IL2RA: variants seen among roughly 807,000 people sequenced by gnomAD.
The protein encoded by IL2RA is interleukin 2 receptor subunit alpha, also known as interleukin-2 receptor subunit alpha.
In IL2RA, 24 loss-of-function variants were observed where a neutral mutation model predicts 37.8. The ratio of observed to expected loss-of-function variants is 0.63; its 90% CI spans 0.46 to 0.89. The LOEUF is 0.89. Ranked by LOEUF, IL2RA falls within the 40% of genes least tolerant of loss-of-function variation. IL2RA has a pLI of 0.00. For synonymous variants in IL2RA, 125 were observed against 114.6 expected (o/e 1.09, Z -0.58); for missense variants, 319 against 348.6 (o/e 0.92, Z 0.68).
Position 6,036,801 on chromosome 10 carries a change from C to T in IL2RA, c.65-10776G>A, listed in dbSNP as rs12722658. Among the ~76,000 whole-genome samples, 622 of 152,066 alleles carry T rather than the reference C, an allele frequency of 4.1e-3. 5 individuals carry two copies. The highest frequency in any genetic ancestry group is 0.015 in the African/African-American group (604 of 41,348). On this transcript the variant is annotated intron_variant, in intron 1 of 7. Coordinates refer to ENST00000379959, the MANE Select transcript of IL2RA (RefSeq NM_000417.3). This position sits in a 1 kb window ranked among gnomAD's most constrained non-coding sequence, Gnocchi z 6.1. ...TGTGGGGGACAGTCATTTTAGAGAG[C>T]GGACACCACTGCTGAAGAAGAAGGA...
rs1038264525 is a variant in IL2RA, at chr10:6,041,144, G to A, written c.65-15119C>T. 7.7e-5 allele frequency among the ~76,000 whole-genome samples: 11 copies of A among 143,766 alleles called. No homozygotes were observed. The East Asian group carries it at 2.3e-3, about 30-fold the overall frequency. The allele number at this position is 143,766 out of a possible 152,430, so 94.3% of individuals were successfully genotyped here. A position where few individuals can be genotyped will look rare whatever the true frequency, so the allele number is the denominator to read the frequency against. On this transcript the variant is annotated intron_variant, in intron 1 of 7. Transcript: ENST00000379959. Reference sequence around the variant, plus strand: ...TTTTTTTTTTTTTTTTTGAGACGGAGTCTCGCTTTGTCTCCCAGGCTGGAG... The same window carrying A: ...TTTTTTTTTTTTTTTTTGAGACGGAATCTCGCTTTGTCTCCCAGGCTGGAG...
chr10:6,031,476 A>ATG (rs1839581835), intron 1 of IL2RA, among the ~76,000 whole-genome samples: 4 of 25,170 alleles, frequency 1.6e-4, no homozygotes, highest in African/African-American at 6.9e-4. Flanking sequence ...ATATATATAT[A>ATG]TATATATATA....
At chr10:6,051,494 AATAT>A (rs34016017) in intron 1 of IL2RA, among the ~76,000 whole-genome samples, 822 of 81,924 alleles carry the variant, frequency 0.01, 23 homozygotes, top group East Asian at 0.086. Flanking sequence ...AATACACACA[AATAT>A]ATATATATAT....
At chr10:6,034,522 T>G (rs1839649398) in intron 1 of IL2RA, among the ~76,000 whole-genome samples, 1 of 145,324 alleles carries the variant, frequency 6.9e-6, no homozygotes, top group South Asian at 2.3e-4. Flanking sequence ...AAAAATAATT[T>G]GTCTAAAAGT....
At chr10:6,030,038 G>A (rs1217067821) in intron 1 of IL2RA, among the ~76,000 whole-genome samples, 1 of 152,092 alleles carries the variant, frequency 6.6e-6, no homozygotes, top group African/African-American at 2.4e-5. Flanking sequence ...AAAACTAAAA[G>A]TTACAATATC....
chr10:6,050,834 C>T (rs553510089), intron 1 of IL2RA, among the ~76,000 whole-genome samples: 2 of 152,222 alleles, frequency 1.3e-5, no homozygotes, highest in African/African-American at 4.8e-5. Flanking sequence ...GGTCCTCTTG[C>T]ACTAGATTGA....
At chr10:6,026,748 G>C (rs557325936) in intron 1 of IL2RA, among the ~76,000 whole-genome samples, 2 of 152,304 alleles carry the variant, frequency 1.3e-5, no homozygotes, top group Non-Finnish European at 2.9e-5. Flanking sequence ...TTAGATTTTG[G>C]GGGGAAATAT....
At position 6,036,473 on chromosome 10, in the gene IL2RA, C is replaced by T. The variant is rs2132874870; in HGVS notation, c.65-10448G>A. On this transcript the variant is annotated intron_variant, in intron 1 of 7. Coordinates refer to ENST00000379959, the MANE Select transcript of IL2RA (RefSeq NM_000417.3). This position sits in a 1 kb window ranked among gnomAD's most constrained non-coding sequence, Gnocchi z 6.1. The stretch of plus-strand genomic sequence containing the variant: ...CTCTGCTCCTCCTGGCAAGAGGCCC[C>T]ATTTTTCTTGCCACTGAGGTTAAGT... 1 of 152,290 alleles carries T rather than the reference C, an allele frequency of 6.6e-6. No homozygotes were observed. The highest frequency in any genetic ancestry group is 2.1e-4 in the South Asian group (1 of 4,822). 9.4% of individuals were successfully genotyped at this position (152,290 alleles called of 1,614,324 possible). A position where few individuals can be genotyped will look rare whatever the true frequency, so the allele number is the denominator to read the frequency against.
chr10:6,039,299 A>C (rs1839735405), intron 1 of IL2RA: 1 of 152,250 alleles, frequency 6.6e-6, no homozygotes, highest in African/African-American at 2.4e-5. Context: ...ACAAATCAAG[A>C]ATCAGGAAAA....
At chr10:6,045,071 G>A (rs1209370510) in intron 1 of IL2RA, among the ~76,000 whole-genome samples, 2 of 152,230 alleles carry the variant, frequency 1.3e-5, no homozygotes, top group African/African-American at 4.8e-5. Flanking sequence ...GAAAGGAGAA[G>A]AAGGCGGTGT....
At chr10:6,016,914 C>T (rs1174252121) in intron 7 of IL2RA, 1 of 152,156 alleles carries the variant, frequency 6.6e-6, no homozygotes, top group Non-Finnish European at 1.5e-5. Flanking sequence ...TTTGGCTGAA[C>T]AACCTACATA....
rs11256354 is a variant in IL2RA, at chr10:6,019,444, T to G, written c.711A>C (p.Thr237=). The change falls in exon 6 of 8, where the codon ACA becomes ACC. Residue 237 remains threonine (T), a synonymous_variant. Transcript: ENST00000379959. Reference sequence around the variant, plus strand: ...CCCACTCACCTGCTACCTGGTACTCTGTTGTAAATATGGACGTCTCCATGG... The same window carrying G: ...CCCACTCACCTGCTACCTGGTACTCGGTTGTAAATATGGACGTCTCCATGG... ...AATMETSIFT[T]EYQVAVAGCV... 6.2e-7 allele frequency: 1 copy of G among 1,612,912 alleles called. No homozygotes were observed. The highest frequency in any genetic ancestry group is 1.7e-5 in the Admixed American group (1 of 60,032).
intron 1 of IL2RA, among the ~76,000 whole-genome samples, chr10:6,032,844 G>A (rs1839621782): frequency 6.6e-6 from 1 of 152,088 alleles, no homozygotes; most frequent in Non-Finnish European, 1.5e-5. Context: ...AATGGGCAAA[G>A]ACTTGAACAA....
rs570273430 is a variant in IL2RA at position 6,056,735 on chromosome 10, C to CA, written c.64+5352dup. ...CACCACTGTGCTCTAGCCTGGGCGA[C>CA]AGAGCGAAACTGTCCAAAAAAAAAA... On this transcript the variant is annotated intron_variant, in intron 1 of 7. Transcript: ENST00000379959. The surrounding 1 kb of genome is among the most constrained non-coding windows in gnomAD (Gnocchi z 5.0). Among the ~76,000 whole-genome samples the CA allele has an allele frequency of 8.0e-4, 121 of 151,672 alleles. 1 individual carries two copies. Among genetic ancestry groups the CA allele is most frequent in the Non-Finnish European group, 6.9e-4 (47 of 67,930 alleles).
chr10:6,046,817 G>T lies in IL2RA; in HGVS notation c.64+15271C>A, dbSNP rs1478187639. 3.9e-5 allele frequency among the ~76,000 whole-genome samples: 6 copies of T among 152,162 alleles called. No individual in the cohort carries two copies. Among genetic ancestry groups the T allele is most frequent in the African/African-American group, 1.4e-4 (6 of 41,428 alleles). ...CTATTCTTTTCAACAGATACCTCAG[G>T]GTTAGTGGGGGTGAGCTCAGATGCT... On this transcript the variant is annotated intron_variant, in intron 1 of 7. Transcript: ENST00000379959. The surrounding 1 kb of genome is among the most constrained non-coding windows in gnomAD (Gnocchi z 4.8).
At position 6,056,606 on chromosome 10, in the gene IL2RA, G is replaced by T. The variant is rs1398558753; in HGVS notation, c.64+5482C>A. 6.6e-6 allele frequency among the ~76,000 whole-genome samples: 1 copy of T among 151,898 alleles called. No homozygotes were observed. The highest frequency in any genetic ancestry group is 2.4e-5 in the African/African-American group (1 of 41,360). On this transcript the variant is annotated intron_variant, in intron 1 of 7. Transcript: ENST00000379959. This position sits in a 1 kb window ranked among gnomAD's most constrained non-coding sequence, Gnocchi z 5.0. ...CCTCTCTACTAAAATTACAAAAAAGGAGCCAGGCATGGTGGTGCACACCTG... is the reference window on the plus strand; with the variant it reads ...CCTCTCTACTAAAATTACAAAAAAGTAGCCAGGCATGGTGGTGCACACCTG...
chr10:6,032,459 G>A (rs947781093), intron 1 of IL2RA, among the ~76,000 whole-genome samples: 10 of 152,040 alleles, frequency 6.6e-5, no homozygotes, highest in African/African-American at 1.9e-4. Context: ...TTGGGAGGCC[G>A]GGGCGGGCAG....
intron 1 of IL2RA, among the ~76,000 whole-genome samples, chr10:6,059,487 T>C (rs1020448868): frequency 3.3e-5 from 5 of 152,240 alleles, no homozygotes; most frequent in African/African-American, 1.2e-4. Flanking sequence ...AATTTTCTTG[T>C]AGTTCTTTAT....
chr10:6,052,800 G>T (rs545820599), intron 1 of IL2RA, among the ~76,000 whole-genome samples: 1 of 152,310 alleles, frequency 6.6e-6, no homozygotes, highest in East Asian at 1.9e-4. Context: ...CCTGAATGTG[G>T]TATGGTGACT....
Sources: gnomAD v4.1 joint callset for allele counts (sites outside exome capture counted in the v4.1 genomes callset) on GRCh38, gnomAD v4.1.1 for gene constraint, Gnocchi (gnomAD v3.1) non-coding constraint, MANE v1.5 for transcripts, NCBI Gene and HGNC (gene_info 2026-07-23, HGNC 2026-07-21) for gene names.